SLC22A25: variants seen among roughly 807,000 people sequenced by gnomAD.
SLC22A25 encodes MGI:2442751, MGI:2385316, MGI:3042283, MGI:3645714, MGI:3605624, MGI:2442750.
SLC22A25 carries 44 observed loss-of-function variants against 45.9 expected under a neutral mutation model. The observed-to-expected ratio is 0.96, with a 90% CI of 0.75 to 1.23. SLC22A25 has a LOEUF of 1.23. Among genes scored for constraint, SLC22A25 ranks in the 50% most tolerant of loss-of-function variants. SLC22A25 has a pLI of 0.00. For synonymous variants in SLC22A25, 283 were observed against 238.6 expected (o/e 1.19, Z -1.72); for missense variants, 800 against 666.4 (o/e 1.20, Z -2.21).
chr11:63,183,513 C>G (rs2088404117), intron 8 of SLC22A25, among the ~76,000 whole-genome samples, 181 bp downstream of exon 8: 1 of 152,124 alleles, frequency 6.6e-6, no homozygotes, highest in Non-Finnish European at 1.5e-5. Flanking sequence ...ATCCTTTCAG[C>G]AACAGGATAT....
intron 5 of SLC22A25, among the ~76,000 whole-genome samples, chr11:63,224,125 T>C (rs1322761912): frequency 6.6e-6 from 1 of 152,166 alleles, no homozygotes; most frequent in Non-Finnish European, 1.5e-5. Context: ...TCTTTATGTA[T>C]CTGAGTGCAC....
intron 3 of SLC22A25, among the ~76,000 whole-genome samples, chr11:63,231,391 C>G (rs2090065554): frequency 6.6e-6 from 1 of 152,228 alleles, no homozygotes; most frequent in Admixed American, 6.5e-5. Context: ...TTGCATTTCT[C>G]TGATGGCCAG....
intron 7 of SLC22A25, among the ~76,000 whole-genome samples, chr11:63,192,979 A>T (rs2088870292): frequency 6.6e-6 from 1 of 152,200 alleles, no homozygotes; most frequent in Non-Finnish European, 1.5e-5. Context: ...ACTGGATCAA[A>T]TGGTCCTGAC....
At chr11:63,193,417 GC>G (rs1221728376) in intron 7 of SLC22A25, among the ~76,000 whole-genome samples, 1 of 152,190 alleles carries the variant, frequency 6.6e-6, no homozygotes, top group Non-Finnish European at 1.5e-5. Context: ...ACAACTGGGT[GC>G]CCCCCTGAGA....
rs114346003 is a variant in SLC22A25 at position 63,202,571 on chromosome 11, G to T, written c.830+14743C>A. 8.1e-3 allele frequency among the ~76,000 whole-genome samples: 1,240 copies of T among 152,336 alleles called. 14 individuals carry two copies. The highest frequency in any genetic ancestry group is 0.027 in the African/African-American group (1,128 of 41,578). Reference sequence around the variant, plus strand: ...ATTGGGCGGAGCCCACCACGGCTCAGTGCCTAAGCTGCTGTAGCCAGACTG... The same window carrying T: ...ATTGGGCGGAGCCCACCACGGCTCATTGCCTAAGCTGCTGTAGCCAGACTG... On this transcript the variant is annotated intron_variant, in intron 7 of 11. Coordinates refer to ENST00000306494, the MANE Select transcript of SLC22A25 (RefSeq NM_199352.6).
At chr11:63,220,461 G>T (rs1347921788) in intron 5 of SLC22A25, among the ~76,000 whole-genome samples, 1 of 151,992 alleles carries the variant, frequency 6.6e-6, no homozygotes, top group African/African-American at 2.4e-5. Context: ...CTCTGTCTTT[G>T]GAAAAATTTT....
In SLC22A25 at chr11:63,217,692, C is replaced by G. The variant is rs201370159; in HGVS notation, c.550G>C (p.Ala184Pro). The change falls in exon 6 of 12, where the codon GCC becomes CCC. Residue 184 changes from alanine to proline, a missense_variant. Physicochemically the swap from Ala to Pro is conservative, Grantham distance 27. Transcript: ENST00000306494. ...FVLRWSYLQLAIVGTCAAFAP... is the reference protein window; with the variant it reads ...FVLRWSYLQLPIVGTCAAFAP... ...AAGGCCGCACAGGTGCCTACAATGG[C>G]GAGCTGGAGGTAAGACCATCTGAGC... 1.1e-5 allele frequency: 17 copies of G among 1,613,740 alleles called. No homozygotes were observed. The East Asian group carries it at 3.3e-4, about 32-fold the overall frequency.
In SLC22A25 at chr11:63,199,216, G is replaced by A. The variant is rs567558336; in HGVS notation, c.831-15399C>T. Among the ~76,000 whole-genome samples, 7 of 152,088 alleles carry A rather than the reference G, an allele frequency of 4.6e-5. No individual in the cohort carries two copies. In the South Asian group the frequency reaches 1.5e-3, roughly 32 times the overall value. On this transcript the variant is annotated intron_variant, in intron 7 of 11. Coordinates refer to ENST00000306494, the MANE Select transcript of SLC22A25 (RefSeq NM_199352.6). ...ATAAACAAAATCAGAAACATCAAGG[G>A]TGATATTACCATTGACCTCATAGAA...
intron 10 of SLC22A25, 31 bp downstream of exon 10, chr11:63,166,013 T>G: frequency 6.2e-7 from 1 of 1,608,530 alleles, no homozygotes. Context: ...GGAAAGACAT[T>G]TTCTTTCTTC....
chr11:63,182,624 C>T (rs2088370706), intron 8 of SLC22A25, among the ~76,000 whole-genome samples: 1 of 151,926 alleles, frequency 6.6e-6, no homozygotes. Context: ...GATGCCTGTG[C>T]TATTGTCTCT....
At chr11:63,191,584 A>C (rs971001713) in intron 7 of SLC22A25, among the ~76,000 whole-genome samples, 1 of 152,182 alleles carries the variant, frequency 6.6e-6, no homozygotes, top group Middle Eastern at 3.4e-3. Flanking sequence ...CCCCATTGAG[A>C]TGAACCTGGT....
intron 3 of SLC22A25, among the ~76,000 whole-genome samples, chr11:63,235,961 A>G (rs1207924101): frequency 6.6e-6 from 1 of 152,128 alleles, no homozygotes; most frequent in African/African-American, 2.4e-5. Flanking sequence ...AACAGCAGAT[A>G]TTGGTGAACT....
chr11:63,192,774 C>T (rs1310386801), intron 7 of SLC22A25, among the ~76,000 whole-genome samples: 2 of 152,186 alleles, frequency 1.3e-5, no homozygotes, highest in African/African-American at 4.8e-5. Context: ...TTCAATTCAA[C>T]AAGAAGATCT....
chr11:63,180,901 G>T, intron 8 of SLC22A25, 126 bp from the exon 9 acceptor site: 3 of 612,924 alleles, frequency 4.9e-6, no homozygotes, highest in Non-Finnish European at 8.6e-6. Context: ...AAAATACATG[G>T]CTTAAAAATG....
intron 7 of SLC22A25, among the ~76,000 whole-genome samples, chr11:63,185,632 C>T (rs1385290356): frequency 1.9e-4 from 28 of 145,068 alleles, no homozygotes; most frequent in Admixed American, 4.2e-4. Context: ...CATGCTGGTG[C>T]GCTGCACCCA....
At chr11:63,178,464 A>T (rs1590799331) in intron 9 of SLC22A25, among the ~76,000 whole-genome samples, 1 of 133,834 alleles carries the variant, frequency 7.5e-6, no homozygotes. Flanking sequence ...CTCTATATGC[A>T]TCTTCCCCAG....
chr11:63,215,314 C>A (rs1360663248), intron 7 of SLC22A25, among the ~76,000 whole-genome samples: 1 of 152,150 alleles, frequency 6.6e-6, no homozygotes, highest in African/African-American at 2.4e-5. Flanking sequence ...CCATCATTCT[C>A]AGCAAACTAA....
Position 63,216,956 on chromosome 11 carries a change from C to G in SLC22A25, c.830+358G>C, listed in dbSNP as rs1480779578. On this transcript the variant is annotated intron_variant, in intron 7 of 11. Coordinates refer to ENST00000306494, the MANE Select transcript of SLC22A25 (RefSeq NM_199352.6). ...ACACTAAAAATTATTTGTTCTTTAT[C>G]TGAAATTTGAATTAAATGGAACCTC... Among the ~76,000 whole-genome samples the G allele has an allele frequency of 1.1e-4, 17 of 152,066 alleles. 1 individual carries two copies. Among genetic ancestry groups the G allele is most frequent in the Non-Finnish European group, 2.5e-4 (17 of 68,008 alleles).
chr11:63,217,564 C>A lies in SLC22A25; in HGVS notation c.661+17G>T, dbSNP rs189470533. 4.0e-5 allele frequency: 64 copies of A among 1,609,922 alleles called. No individual in the cohort carries two copies. The African/African-American group carries it at 7.7e-4, about 19-fold the overall frequency. On this transcript the variant is annotated intron_variant, in intron 6 of 11. Transcript: ENST00000306494. ...AAGCCAAGGCTTGGAAAATGTGGAT[C>A]GAAAATATTGACTTACTTAACAAAA... is the stretch of plus-strand genomic sequence containing the variant.
Sources: allele counts gnomAD v4.1 joint callset (sites outside exome capture counted in the v4.1 genomes callset), GRCh38; gene constraint gnomAD v4.1.1; transcripts MANE v1.5; gene names NCBI Gene and HGNC (gene_info 2026-07-23, HGNC 2026-07-21).